The following CHN2 variants were observed in gnomAD, a reference collection of about 807,000 sequenced individuals.
CHN2 encodes the protein beta-chimaerin.
Under a neutral mutation model 56.3 loss-of-function variants are expected in CHN2, and 35 were observed. That is an observed-to-expected ratio of 0.62 (90% CI 0.47 to 0.82). The LOEUF is 0.82. Ranked by LOEUF, CHN2 falls within the 40% of genes least tolerant of loss-of-function variation. The pLI is 0.00. For synonymous variants in CHN2, 210 were observed against 212.8 expected (o/e 0.99, Z 0.12); for missense variants, 491 against 580.5 (o/e 0.85, Z 1.58).
chr7:29,352,493 G>A (rs149446488), intron 1 of CHN2, among the ~76,000 whole-genome samples: 13,887 of 152,160 alleles, frequency 0.091, 892 homozygotes, highest in South Asian at 0.23. Context: ...AGGCTGAGGC[G>A]GGTGGATCAC....
In CHN2 at chr7:29,405,164, T is replaced by C. The variant is rs370711654; in HGVS notation, c.576+4336T>C. Among the ~76,000 whole-genome samples, 586 of 104,564 alleles carry C rather than the reference T, an allele frequency of 5.6e-3. 1 individual carries two copies. The highest frequency in any genetic ancestry group is 0.022 in the Middle Eastern group (4 of 182). The allele number at this position is 104,564 out of a possible 152,430, so 68.6% of individuals were successfully genotyped here. On this transcript the variant is annotated intron_variant, in intron 6 of 12. Coordinates refer to ENST00000222792, the MANE Select transcript of CHN2 (RefSeq NM_004067.4). ...TCTGTATGGAGTGCTTATGTCACCATACACACACACACACACACACACACA... is the reference window on the plus strand; with the variant it reads ...TCTGTATGGAGTGCTTATGTCACCACACACACACACACACACACACACACA...
chr7:29,208,652 G>A (rs1321193907), intron 1 of CHN2, among the ~76,000 whole-genome samples: 2 of 152,110 alleles, frequency 1.3e-5, no homozygotes, highest in Non-Finnish European at 2.9e-5. Context: ...CTGTTCCTGG[G>A]ACCTGCTGTT....
At chr7:29,218,735 T>C (rs1415464426) in intron 1 of CHN2, among the ~76,000 whole-genome samples, 1 of 145,722 alleles carries the variant, frequency 6.9e-6, no homozygotes, top group African/African-American at 2.6e-5. Context: ...TTCTCACTCA[T>C]AGGTGGGAAT....
chr7:29,327,881 T>C (rs2128900493), intron 1 of CHN2, among the ~76,000 whole-genome samples: 1 of 152,338 alleles, frequency 6.6e-6, no homozygotes, highest in Non-Finnish European at 1.5e-5. Flanking sequence ...GCCGGAATGT[T>C]GTTTCTTTGT....
intron 2 of CHN2, among the ~76,000 whole-genome samples, chr7:29,169,004 TA>T (rs1357287714): frequency 6.6e-6 from 1 of 152,200 alleles, no homozygotes; most frequent in African/African-American, 2.4e-5. Context: ...AAGTCCTGGT[TA>T]TTAGAATATC....
chr7:29,493,938 C>T (rs1788942098), intron 7 of CHN2, among the ~76,000 whole-genome samples: 1 of 152,360 alleles, frequency 6.6e-6, no homozygotes, highest in East Asian at 1.9e-4. Flanking sequence ...AAAATCCACA[C>T]TCATGAATAA....
intron 6 of CHN2, among the ~76,000 whole-genome samples, chr7:29,472,119 C>T (rs1291796538): frequency 1.3e-5 from 2 of 152,088 alleles, no homozygotes; most frequent in African/African-American, 4.8e-5. Context: ...GCAATTGGAG[C>T]TTATTTCACT....
intron 7 of CHN2, among the ~76,000 whole-genome samples, chr7:29,495,031 C>G (rs977296541): frequency 7.0e-6 from 1 of 142,166 alleles, no homozygotes; most frequent in South Asian, 2.3e-4. Flanking sequence ...GAAAGGCCTT[C>G]TATAATGCTT....
chr7:29,226,434 A>G (rs245942), intron 1 of CHN2, among the ~76,000 whole-genome samples: 36,961 of 152,032 alleles, frequency 0.24, 5,031 homozygotes, highest in East Asian at 0.53. Flanking sequence ...AAAATAAACA[A>G]TATTTCCTGC....
intron 6 of CHN2, among the ~76,000 whole-genome samples, chr7:29,419,890 T>C (rs1016448348): frequency 4.0e-5 from 6 of 151,828 alleles, no homozygotes; most frequent in African/African-American, 1.5e-4. Flanking sequence ...TGAAACCCCG[T>C]CTCTACTAAA....
intron 1 of CHN2, among the ~76,000 whole-genome samples, chr7:29,354,037 A>G (rs1238348003): frequency 1.3e-5 from 2 of 152,220 alleles, no homozygotes; most frequent in East Asian, 1.9e-4. Flanking sequence ...TCAGTCTGAC[A>G]TTTCTGATTG....
At chr7:29,410,547 G>A (rs142497513) in intron 6 of CHN2, among the ~76,000 whole-genome samples, 39 of 152,202 alleles carry the variant, frequency 2.6e-4, no homozygotes, top group African/African-American at 5.1e-4. Flanking sequence ...ATTGGTAAGC[G>A]TTGAAATAGA....
chr7:29,273,830 C>T (rs1790955843), intron 1 of CHN2, among the ~76,000 whole-genome samples: 1 of 152,130 alleles, frequency 6.6e-6, no homozygotes, highest in African/African-American at 2.4e-5. Context: ...AGTCTGTTGC[C>T]ATGTCATGTC....
At chr7:29,247,879 T>A (rs188782158) in intron 1 of CHN2, among the ~76,000 whole-genome samples, 2 of 152,368 alleles carry the variant, frequency 1.3e-5, no homozygotes, top group East Asian at 3.9e-4. Flanking sequence ...TGGTCAGTGT[T>A]TATACTGTTT....
At chr7:29,273,361 A>ATATATATATATGTG (rs1584933191) in intron 1 of CHN2, among the ~76,000 whole-genome samples, 6 of 77,758 alleles carry the variant, frequency 7.7e-5, no homozygotes, top group African/African-American at 1.9e-4. Context: ...ATATATATAT[A>ATATATATATATGTG]TATATATATA....
At chr7:29,365,277 T>G (rs1259367432) in intron 2 of CHN2, among the ~76,000 whole-genome samples, 2 of 152,218 alleles carry the variant, frequency 1.3e-5, no homozygotes, top group African/African-American at 4.8e-5. Context: ...GCTGTGGTTT[T>G]ATTTATATTT....
chr7:29,315,463 G>C (rs1359939036), intron 1 of CHN2, among the ~76,000 whole-genome samples: 1 of 152,190 alleles, frequency 6.6e-6, no homozygotes, highest in East Asian at 1.9e-4. Context: ...GCTGATAAGA[G>C]ATGACATTGC....
At chr7:29,300,021 C>G (rs1793526684) in intron 1 of CHN2, among the ~76,000 whole-genome samples, 5 of 152,184 alleles carry the variant, frequency 3.3e-5, no homozygotes. Context: ...GCAAATTAGA[C>G]TGGGAAGAAA....
chr7:29,338,918 A>T (rs918261525), intron 1 of CHN2, among the ~76,000 whole-genome samples: 3 of 152,234 alleles, frequency 2.0e-5, no homozygotes, highest in Non-Finnish European at 4.4e-5. Context: ...CATACAAAAC[A>T]TCTAACAACG....
Sources: gnomAD v4.1 joint callset for allele counts (sites outside exome capture counted in the v4.1 genomes callset) on GRCh38, gnomAD v4.1.1 for gene constraint, MANE v1.5 for transcripts, NCBI Gene and HGNC (gene_info 2026-07-23, HGNC 2026-07-21) for gene names.